Variants in CHCHD3 observed in about 807,000 individuals in gnomAD.
CHCHD3 encodes coiled-coil-helix-coiled-coil-helix domain containing 3, also known as MICOS complex subunit MIC19.
A neutral mutation model predicts 38.2 loss-of-function variants in CHCHD3; 20 were observed. The ratio of observed to expected loss-of-function variants is 0.52; its 90% confidence interval spans 0.37 to 0.76. The LOEUF (loss-of-function observed/expected upper bound fraction) is 0.76, where lower values mean the gene tolerates loss of function less well. CHCHD3 is among the 30% of genes least tolerant of loss of function. The pLI is 0.00. For missense variants in CHCHD3, 245 were observed against 279.2 expected (o/e 0.88, Z 0.87); for synonymous variants, 82 against 100.0 (o/e 0.82, Z 1.07).
At chr7:133,045,672 A>G (rs1199473196) in intron 2 of CHCHD3, among the ~76,000 whole-genome samples, 1 of 152,162 alleles carries the variant, frequency 6.6e-6, no homozygotes, top group Admixed American at 6.5e-5. Context: ...ACATATGTAT[A>G]TGCTGATATA....
chr7:132,820,198 A>G (rs1190931697), intron 6 of CHCHD3, among the ~76,000 whole-genome samples: 2 of 152,186 alleles, frequency 1.3e-5, no homozygotes, highest in African/African-American at 4.8e-5. Context: ...ACACTCAACC[A>G]AACACATAAC....
chr7:132,848,603 T>G (rs991043374), intron 5 of CHCHD3, among the ~76,000 whole-genome samples: 3 of 152,028 alleles, frequency 2.0e-5, no homozygotes, highest in Non-Finnish European at 2.9e-5. Context: ...AAAGCTATGG[T>G]TTTTTTTAAT....
At position 132,793,026 on chromosome 7, in the gene CHCHD3, C is replaced by T. The variant is rs180991906; in HGVS notation, c.660+3416G>A. ...ATCTGACAGCAAACCCTTTCGACAC[C>T]CTTCCCCTTTTTTAAAAAACAGAAC... is the stretch of plus-strand genomic sequence containing the variant. On this transcript the variant is annotated intron_variant, in intron 7 of 7. Transcript: ENST00000262570. Among the ~76,000 whole-genome samples the T allele has an allele frequency of 2.1e-3, 321 of 152,238 alleles. 7 individuals are homozygous for T. Among genetic ancestry groups the T allele is most frequent in the East Asian group, 3.3e-3 (17 of 5,178 alleles).
intron 6 of CHCHD3, among the ~76,000 whole-genome samples, chr7:132,831,397 A>AT (rs35798377): frequency 0.38 from 57,953 of 152,038 alleles, 11,627 homozygotes; most frequent in Middle Eastern, 0.52. Context: ...TATTAGATCC[A>AT]TTCACACAGC....
chr7:132,786,870 T>G (rs1252923163), intron 7 of CHCHD3, among the ~76,000 whole-genome samples: 1 of 152,264 alleles, frequency 6.6e-6, no homozygotes, highest in Non-Finnish European at 1.5e-5. Flanking sequence ...AACCAAATAG[T>G]ATCTGGTAGA....
chr7:133,000,256 C>T lies in CHCHD3; in HGVS notation c.251+24290G>A, dbSNP rs369956894. On this transcript the variant is annotated intron_variant, in intron 3 of 7. Transcript: ENST00000262570. ...GCTACAATTTCAATGAAAAATCATT[C>T]GTGCTGAGCACCAGTCCTAATCCTA... 2.1e-4 allele frequency among the ~76,000 whole-genome samples: 32 copies of T among 152,240 alleles called. 1 individual carries two copies. Among genetic ancestry groups the T allele is most frequent in the African/African-American group, 7.0e-4 (29 of 41,550 alleles).
chr7:132,898,570 G>A (rs1809570936), intron 4 of CHCHD3, among the ~76,000 whole-genome samples: 1 of 152,370 alleles, frequency 6.6e-6, no homozygotes, highest in Admixed American at 6.5e-5. Flanking sequence ...CCAGGCTGCA[G>A]GTGGAGTTGC....
At chr7:132,817,966 C>T (rs571774933) in intron 6 of CHCHD3, among the ~76,000 whole-genome samples, 1 of 151,490 alleles carries the variant, frequency 6.6e-6, no homozygotes, top group Admixed American at 6.6e-5. Flanking sequence ...ATGTGCTAAC[C>T]CAAGCAAAAG....
intron 3 of CHCHD3, among the ~76,000 whole-genome samples, chr7:132,983,976 C>T (rs1811992075): frequency 6.6e-6 from 1 of 151,796 alleles, no homozygotes; most frequent in Admixed American, 6.6e-5. Flanking sequence ...CCTCCTCTCC[C>T]TCTCCCTCCT....
rs1195094608 is a variant in CHCHD3, at chr7:132,969,153, A to T, written c.369+6016T>A. Among the ~76,000 whole-genome samples the T allele has an allele frequency of 4.3e-5, 6 of 140,964 alleles. No individual in the cohort carries two copies. In the South Asian group the frequency reaches 1.1e-3, roughly 27 times the overall value. 92.5% of individuals were successfully genotyped at this position (140,964 alleles called of 152,430 possible). A position where few individuals can be genotyped will look rare whatever the true frequency, so the allele number is the denominator to read the frequency against. On this transcript the variant is annotated intron_variant, in intron 4 of 7. Coordinates refer to ENST00000262570, the MANE Select transcript of CHCHD3 (RefSeq NM_017812.4). ...GCATTCACCCATCCTTTTTTTTTTT[A>T]CTGTGTTTTTTTTTTTTCTAAACAG...
chr7:132,962,560 A>C (rs1811348416), intron 4 of CHCHD3, among the ~76,000 whole-genome samples: 1 of 152,240 alleles, frequency 6.6e-6, no homozygotes, highest in Admixed American at 6.5e-5. Flanking sequence ...TTGTCAAAAA[A>C]TAGGAAGAGT....
At chr7:133,054,674 C>T (rs762593430) in intron 2 of CHCHD3, among the ~76,000 whole-genome samples, 8 of 152,176 alleles carry the variant, frequency 5.3e-5, no homozygotes, top group Non-Finnish European at 7.3e-5. Flanking sequence ...GACTCCCTAT[C>T]CTTGTTACCA....
At chr7:132,877,340 G>A (rs895451839) in intron 5 of CHCHD3, among the ~76,000 whole-genome samples, 4 of 152,022 alleles carry the variant, frequency 2.6e-5, no homozygotes, top group Non-Finnish European at 5.9e-5. Flanking sequence ...CTACTATACT[G>A]TATTGATATT....
intron 4 of CHCHD3, among the ~76,000 whole-genome samples, chr7:132,939,188 C>G (rs745808780): frequency 5.3e-5 from 8 of 152,086 alleles, no homozygotes; most frequent in Non-Finnish European, 1.0e-4. Context: ...TGTTGCAGCA[C>G]TGTAGCATAA....
In CHCHD3 at chr7:132,975,182, T is replaced by G. The variant is rs752648771; in HGVS notation, c.356A>C (p.Lys119Thr). 170 of 1,611,948 alleles carry G rather than the reference T, an allele frequency of 1.1e-4. No homozygotes were observed. Among genetic ancestry groups the G allele is most frequent in the Non-Finnish European group, 1.3e-4 (157 of 1,179,684 alleles). ...ERICSEEERA[K>T]AKHLARQLEE... ...TTTAATACTCACCAGGTGCTTTGCCTTAGCGCGTTCCTCCTCGCTACATAT... is the reference window on the plus strand; with the variant it reads ...TTTAATACTCACCAGGTGCTTTGCCGTAGCGCGTTCCTCCTCGCTACATAT... The change falls in exon 4 of 8, where the codon AAG becomes ACG. Residue 119 changes from lysine to threonine, a missense_variant. By Grantham distance (78) the Lys-to-Thr change is moderately conservative (BLOSUM62 -1). Transcript: ENST00000262570.
chr7:133,066,700 C>T (rs1466400478), intron 2 of CHCHD3, among the ~76,000 whole-genome samples: 1 of 152,166 alleles, frequency 6.6e-6, no homozygotes, highest in Admixed American at 6.5e-5. Context: ...GTGGCATGCT[C>T]TTCGGGCCAG....
chr7:132,964,165 C>T (rs891857769), intron 4 of CHCHD3, among the ~76,000 whole-genome samples: 1 of 152,196 alleles, frequency 6.6e-6, no homozygotes, highest in African/African-American at 2.4e-5. Flanking sequence ...TACTCTATTG[C>T]AGCAAGCCCA....
At chr7:133,079,289 T>C (rs538110369) in intron 1 of CHCHD3, among the ~76,000 whole-genome samples, 9 of 152,330 alleles carry the variant, frequency 5.9e-5, no homozygotes, top group East Asian at 1.9e-4. Flanking sequence ...GTGCTAGATA[T>C]ACATTATGTC....
chr7:132,899,093 CA>C (rs1361854547), intron 4 of CHCHD3, among the ~76,000 whole-genome samples: 1 of 152,228 alleles, frequency 6.6e-6, no homozygotes, highest in African/African-American at 2.4e-5. Context: ...CAAGTGCCAC[CA>C]AACTGGGAGC....
Sources: allele counts gnomAD v4.1 joint callset (sites outside exome capture counted in the v4.1 genomes callset), GRCh38; gene constraint gnomAD v4.1.1; transcripts MANE v1.5; gene names NCBI Gene and HGNC (gene_info 2026-07-23, HGNC 2026-07-21).